The following ZNF254 variants were observed in gnomAD, a reference collection of about 807,000 sequenced individuals.
The protein encoded by ZNF254 is CTD-2017D11.1.
Under a neutral mutation model 12.4 loss-of-function variants are expected in ZNF254, and 10 were observed. The ratio of observed to expected loss-of-function variants is 0.80; its 90% CI spans 0.50 to 1.36. The LOEUF (loss-of-function observed/expected upper bound fraction) is 1.36, where lower values mean the gene tolerates loss of function less well. Ranked by LOEUF, ZNF254 falls within the 40% of genes most tolerant of loss-of-function variation. ZNF254 has a pLI of 0.00. For missense variants in ZNF254, 996 were observed against 763.9 expected (o/e 1.30, Z -3.58); for synonymous variants, 305 against 253.4 (o/e 1.20, Z -1.93).
At chr19:24,110,188 G>A (rs1159589237) in intron 3 of ZNF254, among the ~76,000 whole-genome samples, 1 of 152,076 alleles carries the variant, frequency 6.6e-6, no homozygotes, top group African/African-American at 2.4e-5. Context: ...GTATAATTCT[G>A]TATTTTTTCC....
intron 2 of ZNF254, among the ~76,000 whole-genome samples, chr19:24,054,402 G>T (rs1167841346): frequency 6.6e-6 from 1 of 152,182 alleles, no homozygotes; most frequent in Non-Finnish European, 1.5e-5. Context: ...GCTATTGGAA[G>T]AAATACTGTC....
At position 24,128,422 on chromosome 19, in the gene ZNF254, G is replaced by C. The variant is rs1040964868; in HGVS notation, c.*442G>C. ...ATCTGTCAGAAAGTATGTCTTTAAA[G>C]TATAGAAGAGCATTTATTTTGAAAA... On this transcript the variant is annotated 3_prime_UTR_variant, in exon 4 of 4. Coordinates refer to ENST00000357002, the MANE Select transcript of ZNF254 (RefSeq NM_203282.4). 6.5e-6 allele frequency: 1 copy of C among 154,458 alleles called. No individual in the cohort carries two copies. Among genetic ancestry groups the C allele is most frequent in the African/African-American group, 2.4e-5 (1 of 41,478 alleles). 9.6% of individuals were successfully genotyped at this position (154,458 alleles called of 1,614,324 possible).
chr19:24,064,030 C>G (rs1010099192), intron 2 of ZNF254: 1 of 152,212 alleles, frequency 6.6e-6, no homozygotes, highest in Admixed American at 6.5e-5. Flanking sequence ...GTGGGGCAAG[C>G]AAAACAGTGG....
chr19:24,094,007 G>A (rs1048768816), intron 1 of ZNF254, among the ~76,000 whole-genome samples: 77 of 151,972 alleles, frequency 5.1e-4, no homozygotes, highest in Admixed American at 3.3e-4. Flanking sequence ...CCTGGTATTC[G>A]TAGATATTTT....
At chr19:24,087,099 A>C (rs1169238321), upstream of ZNF254, 3 of 554,108 alleles carry the variant, frequency 5.4e-6, no homozygotes, top group Admixed American at 5.9e-5. Context: ...GGGGCCTTAA[A>C]CGTTATCCAA....
intron 1 of ZNF254, 152 bp downstream of exon 1, chr19:24,087,489 T>A: frequency 1.0e-6 from 1 of 992,522 alleles, no homozygotes; most frequent in Non-Finnish European, 1.5e-6. Context: ...AGATGGCGGC[T>A]GCGCTGACAG....
At chr19:24,043,223 C>T (rs1970243863) in intron 1 of ZNF254, among the ~76,000 whole-genome samples, 1 of 151,904 alleles carries the variant, frequency 6.6e-6, no homozygotes, top group Non-Finnish European at 1.5e-5. Flanking sequence ...AATATGTCAT[C>T]TTAAAAATCT....
chr19:24,087,768 T>C (rs1473042663), intron 1 of ZNF254, among the ~76,000 whole-genome samples: 1 of 152,136 alleles, frequency 6.6e-6, no homozygotes, highest in Admixed American at 6.5e-5. Flanking sequence ...AAAAGAATGA[T>C]TCAAAAATTG....
intron 2 of ZNF254, among the ~76,000 whole-genome samples, chr19:24,051,302 T>C (rs1970636800): frequency 6.6e-6 from 1 of 152,048 alleles, no homozygotes; most frequent in Non-Finnish European, 1.5e-5. Flanking sequence ...GGATTACAGG[T>C]ACACATGCCA....
chr19:24,079,955 A>G (rs1381440275), intron 2 of ZNF254: 3 of 152,158 alleles, frequency 2.0e-5, no homozygotes, highest in Non-Finnish European at 4.4e-5. Flanking sequence ...CTTTGTTTTA[A>G]TAGTGTTTAG....
intron 1 of ZNF254, among the ~76,000 whole-genome samples, chr19:24,041,618 C>A (rs1189840989): frequency 6.6e-6 from 1 of 152,258 alleles, no homozygotes; most frequent in Non-Finnish European, 1.5e-5. Context: ...GGCTCCTGTG[C>A]GGCCCGAGCC....
intron 2 of ZNF254, among the ~76,000 whole-genome samples, chr19:24,049,214 A>ATATTTTTTTTTTT (rs1160333151): frequency 7.3e-5 from 3 of 40,858 alleles, no homozygotes; most frequent in African/African-American, 1.4e-4. Flanking sequence ...ATATATATAT[A>ATATTTTTTTTTTT]TTTTTTTTTT....
upstream of ZNF254, among the ~76,000 whole-genome samples, chr19:24,083,096 T>G (rs1483592386): frequency 6.6e-6 from 1 of 152,154 alleles, no homozygotes; most frequent in Non-Finnish European, 1.5e-5. Flanking sequence ...AGCATCTAGA[T>G]CTGATCAATT....
At chr19:24,084,988 A>G (rs889056472), upstream of ZNF254, among the ~76,000 whole-genome samples, 2 of 143,742 alleles carry the variant, frequency 1.4e-5, no homozygotes, top group African/African-American at 5.3e-5. Flanking sequence ...GCTGGAGTGC[A>G]GTGACCTGAT....
At chr19:24,097,060 G>T (rs1457479895) in intron 1 of ZNF254, among the ~76,000 whole-genome samples, 1 of 152,148 alleles carries the variant, frequency 6.6e-6, no homozygotes, top group East Asian at 1.9e-4. Flanking sequence ...TAGATTGTGT[G>T]TAGATTTTTA....
chr19:24,087,467 C>T, intron 1 of ZNF254, 130 bp downstream of exon 1: 3 of 1,187,578 alleles, frequency 2.5e-6, no homozygotes, highest in Non-Finnish European at 3.7e-6. Context: ...ACCTCAGTCC[C>T]CTTCAGAAAT....
intron 2 of ZNF254, among the ~76,000 whole-genome samples, chr19:24,053,882 T>A (rs1970740993): frequency 6.6e-6 from 1 of 152,168 alleles, no homozygotes; most frequent in African/African-American, 2.4e-5. Flanking sequence ...TCTCCTGTTT[T>A]CCCTGGGCCT....
At chr19:24,096,109 G>C (rs1972657522) in intron 1 of ZNF254, among the ~76,000 whole-genome samples, 1 of 146,180 alleles carries the variant, frequency 6.8e-6, no homozygotes, top group Admixed American at 6.9e-5. Flanking sequence ...TGTCCAGGCT[G>C]AATGCAATGG....
intron 2 of ZNF254, chr19:24,064,542 T>C (rs1325380654): frequency 6.6e-6 from 1 of 152,270 alleles, no homozygotes; most frequent in African/African-American, 2.4e-5. Flanking sequence ...TTGTTTGTTT[T>C]TGAGATGGAG....
Sources: allele counts gnomAD v4.1 joint callset (sites outside exome capture counted in the v4.1 genomes callset), GRCh38; gene constraint gnomAD v4.1.1; transcripts MANE v1.5; gene names NCBI Gene and HGNC (gene_info 2026-07-23, HGNC 2026-07-21).